ANKRD44: variants seen among roughly 807,000 people sequenced by gnomAD.
The protein encoded by ANKRD44 is serine/threonine-protein phosphatase 6 regulatory ankyrin repeat subunit B.
A neutral mutation model predicts 116.0 loss-of-function variants in ANKRD44; 35 were observed. That is an observed-to-expected ratio of 0.30 (90% CI 0.23 to 0.40). The LOEUF is 0.40. ANKRD44 is among the 10% of genes least tolerant of loss of function. The probability of loss-of-function intolerance (pLI) is 1.00; values close to 1 mark genes in which losing one functional copy is unlikely to be tolerated. For missense variants in ANKRD44, 1,014 were observed against 1,242.6 expected, an observed-to-expected ratio of 0.82 and a Z score of 2.77; for synonymous variants, 435 against 461.8, an observed-to-expected ratio of 0.94 and a Z score of 0.74.
rs764887925 is a variant in ANKRD44 at position 197,090,054 on chromosome 2, C to G, written c.1101-22G>C. 8.3e-6 allele frequency: 13 copies of G among 1,568,724 alleles called. 1 individual carries two copies. The South Asian group carries it at 1.1e-4, about 13-fold the overall frequency. Reference sequence around the variant, plus strand: ...ACACCTGAGGAGTAAGAAAACAGAGCAACTCACGGCAACAGATCTCAAGAT... The same window carrying G: ...ACACCTGAGGAGTAAGAAAACAGAGGAACTCACGGCAACAGATCTCAAGAT... On this transcript the variant is annotated intron_variant, in intron 10 of 27. Coordinates refer to ENST00000282272, the MANE Select transcript of ANKRD44 (RefSeq NM_001195144.2).
chr2:197,245,103 T>C (rs929352713), intron 1 of ANKRD44, among the ~76,000 whole-genome samples: 4 of 152,164 alleles, frequency 2.6e-5, no homozygotes, highest in East Asian at 1.9e-4. Context: ...CTACTAAAAA[T>C]ACAAAAATTA....
chr2:196,989,719 T>G, intron 27 of ANKRD44, 70 bp from the exon 28 acceptor site: 1 of 1,541,520 alleles, frequency 6.5e-7, no homozygotes, highest in Non-Finnish European at 8.8e-7. Flanking sequence ...CAATCGGTTT[T>G]ACATGCTAAA....
intron 1 of ANKRD44, among the ~76,000 whole-genome samples, chr2:197,197,609 C>T (rs1222803619): frequency 1.3e-5 from 2 of 151,936 alleles, no homozygotes; most frequent in African/African-American, 4.8e-5. Flanking sequence ...CCAGGAGTTC[C>T]AGACCAGCCT....
chr2:197,046,828 A>ATGTT (rs970956758), intron 16 of ANKRD44, among the ~76,000 whole-genome samples: 1 of 152,214 alleles, frequency 6.6e-6, no homozygotes, highest in African/African-American at 2.4e-5. Context: ...GAGTTGAGCC[A>ATGTT]TGTTTACACC....
At chr2:197,010,287 C>T (rs1424155494) in intron 18 of ANKRD44, among the ~76,000 whole-genome samples, 1 of 152,190 alleles carries the variant, frequency 6.6e-6, no homozygotes, top group Non-Finnish European at 1.5e-5. Context: ...GAGTGACGGT[C>T]CCTCAGCCCC....
chr2:197,264,717 C>G (rs1367310081), intron 1 of ANKRD44, among the ~76,000 whole-genome samples: 1 of 152,178 alleles, frequency 6.6e-6, no homozygotes, highest in Non-Finnish European at 1.5e-5. Flanking sequence ...CTCCTGGGCA[C>G]TAGAATCCTT....
intron 24 of ANKRD44, 150 bp downstream of exon 24, chr2:196,998,757 G>A (rs112457195): frequency 4.6e-5 from 49 of 1,071,388 alleles, no homozygotes; most frequent in African/African-American, 1.9e-4. Context: ...ACTGAAAGAC[G>A]CTTGAGCAGG....
intron 1 of ANKRD44, among the ~76,000 whole-genome samples, chr2:197,272,249 T>C (rs2105782907): frequency 6.6e-6 from 1 of 152,310 alleles, no homozygotes; most frequent in East Asian, 1.9e-4. Flanking sequence ...TTTTTGTTTT[T>C]GTTTTTTGAG....
At chr2:197,246,375 T>TTTTTTG (rs1559181807) in intron 1 of ANKRD44, among the ~76,000 whole-genome samples, 2 of 141,084 alleles carry the variant, frequency 1.4e-5, no homozygotes, top group Non-Finnish European at 3.1e-5. Context: ...TTTTTTTTTT[T>TTTTTTG]AGAGATGGGG....
At position 197,025,179 on chromosome 2, in the gene ANKRD44, C is replaced by G. The variant is rs1256704036; in HGVS notation, c.1722+17G>C. On this transcript the variant is annotated intron_variant, in intron 17 of 27. Coordinates refer to ENST00000282272, the MANE Select transcript of ANKRD44 (RefSeq NM_001195144.2). ...TGTTTTTGTAACAGGTGAAGCTGCT[C>G]ATGGCATCTCACTTACAGCTAAGTG... is the stretch of plus-strand genomic sequence containing the variant. 6.2e-7 allele frequency: 1 copy of G among 1,604,912 alleles called. No homozygotes were observed.
At chr2:197,037,744 C>A (rs1452058305) in intron 16 of ANKRD44, among the ~76,000 whole-genome samples, 1 of 152,136 alleles carries the variant, frequency 6.6e-6, no homozygotes, top group East Asian at 1.9e-4. Context: ...TTGAGACCAG[C>A]CTTGGCAACA....
chr2:197,168,280 T>C (rs543821678), intron 2 of ANKRD44, among the ~76,000 whole-genome samples: 10 of 152,332 alleles, frequency 6.6e-5, no homozygotes, highest in African/African-American at 2.4e-4. Context: ...AATTGGCTGT[T>C]TTATGCCACT....
chr2:197,065,678 G>A (rs1208907503), intron 16 of ANKRD44, among the ~76,000 whole-genome samples: 3 of 152,128 alleles, frequency 2.0e-5, no homozygotes, highest in South Asian at 4.1e-4. Flanking sequence ...ACACCTCTAC[G>A]CAAATAAACT....
At chr2:197,015,885 T>C (rs561637426) in intron 17 of ANKRD44, 14 of 511,178 alleles carry the variant, frequency 2.7e-5, no homozygotes, top group Middle Eastern at 3.5e-4. Flanking sequence ...CTGGAAATTA[T>C]AGTGGGCGAC....
chr2:197,195,472 T>G (rs542867822), intron 1 of ANKRD44, among the ~76,000 whole-genome samples: 1 of 152,324 alleles, frequency 6.6e-6, no homozygotes, highest in African/African-American at 2.4e-5. Flanking sequence ...ATCTTTTTTT[T>G]AATCACAGTC....
chr2:197,092,525 T>C (rs2078065041), intron 10 of ANKRD44, among the ~76,000 whole-genome samples: 1 of 152,248 alleles, frequency 6.6e-6, no homozygotes, highest in African/African-American at 2.4e-5. Flanking sequence ...TCTCTTTCCA[T>C]AATAGCTTCT....
Position 197,110,788 on chromosome 2 carries a change from C to A in ANKRD44, c.963G>T (p.Arg321=), listed in dbSNP as rs2078547158. The change falls in exon 9 of 28, where the codon CGG becomes CGT. Residue 321 remains arginine, a synonymous_variant. Coordinates refer to ENST00000282272, the MANE Select transcript of ANKRD44 (RefSeq NM_001195144.2). The part of the protein sequence containing the change: ...HMTAVHGRFT[R]SQTLIQNGGE... ...TACCATTCTGAATGAGGGTCTGTGA[C>A]CGTGTGAACCTTCCATGGACAGCTG... 1.7e-5 allele frequency: 28 copies of A among 1,613,850 alleles called. No individual in the cohort carries two copies. Among genetic ancestry groups the A allele is most frequent in the Non-Finnish European group, 2.4e-5 (28 of 1,179,786 alleles).
chr2:197,275,385 G>A (rs1265852046), intron 1 of ANKRD44, among the ~76,000 whole-genome samples: 4 of 139,430 alleles, frequency 2.9e-5, no homozygotes, highest in South Asian at 2.2e-4. Context: ...AAAGTGCTGC[G>A]ATTACAGGCA....
chr2:197,256,905 A>T (rs773250546), intron 1 of ANKRD44, among the ~76,000 whole-genome samples: 21 of 152,212 alleles, frequency 1.4e-4, no homozygotes, highest in Non-Finnish European at 2.6e-4. Flanking sequence ...TAGATCACAG[A>T]TCAAAGACCA....
Sources: gnomAD v4.1 joint callset for allele counts (sites outside exome capture counted in the v4.1 genomes callset) on GRCh38, gnomAD v4.1.1 for gene constraint, MANE v1.5 for transcripts, NCBI Gene and HGNC (gene_info 2026-07-23, HGNC 2026-07-21) for gene names.